Variants in CNTN1 observed in about 807,000 individuals in gnomAD.
The protein encoded by CNTN1 is contactin 1.
In CNTN1, 38 loss-of-function variants were observed where a neutral mutation model predicts 126.4. The observed-to-expected ratio is 0.30, with a 90% CI of 0.23 to 0.39. The LOEUF is 0.39. Ranked by LOEUF, CNTN1 falls within the 10% of genes least tolerant of loss-of-function variation. The probability of loss-of-function intolerance (pLI) is 1.00; values close to 1 mark genes in which losing one functional copy is unlikely to be tolerated. For missense variants in CNTN1, 1,009 were observed against 1,248.4 expected (o/e 0.81, Z 2.89); for synonymous variants, 413 against 422.6 (o/e 0.98, Z 0.28).
intron 1 of CNTN1, among the ~76,000 whole-genome samples, chr12:40,815,824 A>G (rs1002935901): frequency 1.1e-4 from 17 of 152,162 alleles, no homozygotes; most frequent in Admixed American, 3.9e-4. Flanking sequence ...GATATGTTCC[A>G]TTAATACTTA....
At chr12:40,910,050 A>G (rs1399683372) in intron 2 of CNTN1, 23 bp from the exon 3 acceptor site, 1 of 1,583,144 alleles carries the variant, frequency 6.3e-7, no homozygotes. Context: ...CAGGATCAAA[A>G]TTGTTTTTTC....
intron 15 of CNTN1, among the ~76,000 whole-genome samples, chr12:40,960,472 C>G (rs1212391551): frequency 6.6e-6 from 1 of 152,012 alleles, no homozygotes; most frequent in Non-Finnish European, 1.5e-5. Context: ...CAATCTCATG[C>G]AGCTCCTGCA....
intron 1 of CNTN1, among the ~76,000 whole-genome samples, chr12:40,748,199 C>T (rs1938261362): frequency 6.6e-6 from 1 of 152,036 alleles, no homozygotes; most frequent in Non-Finnish European, 1.5e-5. Context: ...TGAGCAGAAG[C>T]CAGGTTCATT....
At chr12:40,842,272 G>A (rs1483070130) in intron 1 of CNTN1, among the ~76,000 whole-genome samples, 2 of 151,994 alleles carry the variant, frequency 1.3e-5, no homozygotes, top group Non-Finnish European at 2.9e-5. Flanking sequence ...CTTGTTATTG[G>A]TTCCTCTAAA....
chr12:40,928,092 A>T (rs1264355185), intron 6 of CNTN1, among the ~76,000 whole-genome samples: 1 of 152,090 alleles, frequency 6.6e-6, no homozygotes, highest in African/African-American at 2.4e-5. Flanking sequence ...TCTTTCATAC[A>T]TTCTATAGTT....
intron 1 of CNTN1, among the ~76,000 whole-genome samples, chr12:40,692,820 G>A (rs1259560227): frequency 6.6e-6 from 1 of 152,146 alleles, no homozygotes; most frequent in African/African-American, 2.4e-5. Flanking sequence ...AAGGCAGGAC[G>A]GCAGTGCCCT....
intron 1 of CNTN1, among the ~76,000 whole-genome samples, chr12:40,841,758 G>A (rs1200859257): frequency 6.6e-6 from 1 of 151,934 alleles, no homozygotes; most frequent in Non-Finnish European, 1.5e-5. Context: ...AACAAACTAG[G>A]TATAGAAGGA....
intron 1 of CNTN1, among the ~76,000 whole-genome samples, chr12:40,853,807 G>C (rs947900977): frequency 1.3e-5 from 2 of 151,266 alleles, no homozygotes; most frequent in South Asian, 2.1e-4. Flanking sequence ...AAGCCCCTCT[G>C]CCCTTACTTT....
chr12:40,817,628 G>T (rs1214254965), intron 1 of CNTN1, among the ~76,000 whole-genome samples: 1 of 151,768 alleles, frequency 6.6e-6, no homozygotes. Context: ...CAGTTTGCCA[G>T]TCTGTGTATT....
chr12:40,802,773 C>A (rs147033424), intron 1 of CNTN1, among the ~76,000 whole-genome samples: 1 of 151,916 alleles, frequency 6.6e-6, no homozygotes, highest in African/African-American at 2.4e-5. Context: ...CTTTGCCTAT[C>A]TTTTCAAAAC....
At chr12:40,832,997 C>T (rs1941907531) in intron 1 of CNTN1, among the ~76,000 whole-genome samples, 1 of 152,182 alleles carries the variant, frequency 6.6e-6, no homozygotes, top group Admixed American at 6.5e-5. Context: ...CCCAGTTCTT[C>T]TCCATGTTGC....
At chr12:40,783,528 A>G (rs1939886194) in intron 1 of CNTN1, among the ~76,000 whole-genome samples, 1 of 152,142 alleles carries the variant, frequency 6.6e-6, no homozygotes, top group African/African-American at 2.4e-5. Flanking sequence ...TGCAAATTAC[A>G]TAGAACACAA....
At position 40,972,074 on chromosome 12, in the gene CNTN1, C is replaced by T. The variant is rs959784309; in HGVS notation, c.1805-8835C>T. The T allele has an allele frequency of 3.0e-6, 3 of 985,390 alleles. No individual in the cohort carries two copies. The African/African-American group carries it at 5.2e-5, about 17-fold the overall frequency. The allele number at this position is 985,390 out of a possible 1,614,324, so 61.0% of individuals were successfully genotyped here. The stretch of plus-strand genomic sequence containing the variant: ...GTAAACAACTGAAGTCCTACCATGG[C>T]TCTGTAGGGTTTTTGGAACAATTCC... On this transcript the variant is annotated intron_variant, in intron 15 of 23. Coordinates refer to ENST00000551295, the MANE Select transcript of CNTN1 (RefSeq NM_001843.4).
chr12:40,950,739 A>C (rs1247470828), intron 14 of CNTN1, among the ~76,000 whole-genome samples: 1 of 152,034 alleles, frequency 6.6e-6, no homozygotes, highest in Non-Finnish European at 1.5e-5. Flanking sequence ...GCTATTTACC[A>C]GTGTTAAACG....
intron 23 of CNTN1, among the ~76,000 whole-genome samples, chr12:41,029,554 T>C (rs1949101362): frequency 6.6e-6 from 1 of 152,186 alleles, no homozygotes. Context: ...TGTATACATA[T>C]ATCAAATCTT....
At chr12:40,748,125 A>G (rs569011447) in intron 1 of CNTN1, among the ~76,000 whole-genome samples, 99 of 152,236 alleles carry the variant, frequency 6.5e-4, no homozygotes, top group African/African-American at 2.2e-3. Context: ...TTTTGAGGGA[A>G]TAAGAGTGCA....
chr12:40,706,147 AG>A (rs1177818794), intron 1 of CNTN1, among the ~76,000 whole-genome samples: 1 of 151,694 alleles, frequency 6.6e-6, no homozygotes, highest in Admixed American at 6.6e-5. Context: ...TTTAAGTTCT[AG>A]GGTACATGTG....
chr12:40,710,964 A>T (rs1398610788), intron 1 of CNTN1, among the ~76,000 whole-genome samples: 1 of 151,286 alleles, frequency 6.6e-6, no homozygotes, highest in Non-Finnish European at 1.5e-5. Flanking sequence ...CATGCTTTGG[A>T]ACCTCTTCTA....
At chr12:41,037,122 T>C (rs919666054) in intron 23 of CNTN1, among the ~76,000 whole-genome samples, 1 of 152,194 alleles carries the variant, frequency 6.6e-6, no homozygotes, top group African/African-American at 2.4e-5. Flanking sequence ...CCTGCCATAT[T>C]TGTGTAAATA....
Sources: gnomAD v4.1 joint callset for allele counts (sites outside exome capture counted in the v4.1 genomes callset) on GRCh38, gnomAD v4.1.1 for gene constraint, MANE v1.5 for transcripts, NCBI Gene and HGNC (gene_info 2026-07-23, HGNC 2026-07-21) for gene names.